Variants in MARCHF2 observed in about 807,000 individuals in gnomAD.
The protein encoded by MARCHF2 is E3 ubiquitin-protein ligase MARCHF2.
In MARCHF2, 22 loss-of-function variants were observed where a neutral mutation model predicts 24.0. The ratio of observed to expected loss-of-function variants is 0.92; its 90% CI spans 0.66 to 1.31. The LOEUF (loss-of-function observed/expected upper bound fraction) is 1.31, where lower values mean the gene tolerates loss of function less well. Among genes scored for constraint, MARCHF2 ranks in the 50% most tolerant of loss-of-function variants. The probability of loss-of-function intolerance (pLI) is 0.00; values close to 1 mark genes in which losing one functional copy is unlikely to be tolerated. For synonymous variants in MARCHF2, 154 were observed against 153.0 expected (o/e 1.01, Z -0.05); for missense variants, 301 against 335.3 (o/e 0.90, Z 0.80).
At chr19:8,438,287 G>C in intron 4 of MARCHF2, 101 bp from the exon 5 acceptor site, 1 of 1,209,496 alleles carries the variant, frequency 8.3e-7, no homozygotes, top group Non-Finnish European at 1.2e-6. Flanking sequence ...CTGGAAGCAT[G>C]AGCCCCAGCC....
intron 4 of MARCHF2, among the ~76,000 whole-genome samples, chr19:8,432,265 C>T (rs560749163): frequency 2.9e-4 from 44 of 152,280 alleles, no homozygotes; most frequent in Middle Eastern, 3.4e-3. Flanking sequence ...GTTGTAACAT[C>T]TGCAGTCCTA....
intron 4 of MARCHF2, among the ~76,000 whole-genome samples, chr19:8,431,762 C>T (rs1160447240): frequency 2.0e-5 from 3 of 152,016 alleles, no homozygotes; most frequent in East Asian, 3.9e-4. Flanking sequence ...CACGTGAACC[C>T]GGGAGGCAGA....
At chr19:8,420,272 C>T (rs1251227517) in intron 1 of MARCHF2, among the ~76,000 whole-genome samples, 3 of 151,214 alleles carry the variant, frequency 2.0e-5, no homozygotes, top group Admixed American at 1.3e-4. Context: ...CGCTTGAACC[C>T]GTAAGGTGGA....
intron 1 of MARCHF2, 53 bp downstream of exon 1, chr19:8,413,473 C>T (rs1381626864): frequency 6.6e-6 from 1 of 152,054 alleles, no homozygotes; most frequent in East Asian, 1.9e-4. Context: ...CGGGCCGGCC[C>T]CGGGTTCGAG....
chr19:8,421,825 G>A lies in MARCHF2; in HGVS notation c.-16G>A, dbSNP rs757274331. The stretch of plus-strand genomic sequence containing the variant: ...CATGGGCCTCAGGCCCTGAGGATAC[G>A]GGGCTCCCGGTGGCCATGACGACGG... On this transcript the variant is annotated 5_prime_UTR_variant, in exon 2 of 5. Transcript: ENST00000215555. 162 of 1,596,246 alleles carry A rather than the reference G, an allele frequency of 1.0e-4. No homozygotes were observed. Among genetic ancestry groups the A allele is most frequent in the South Asian group, 1.2e-4 (11 of 88,474 alleles).
chr19:8,426,156 G>C (rs902824989), intron 2 of MARCHF2, among the ~76,000 whole-genome samples: 1 of 150,892 alleles, frequency 6.6e-6, no homozygotes, highest in African/African-American at 2.4e-5. Flanking sequence ...GCGTGAACCC[G>C]GGAGGCGGAG....
intron 4 of MARCHF2, among the ~76,000 whole-genome samples, chr19:8,438,138 C>G (rs571864534): frequency 6.6e-6 from 1 of 152,096 alleles, no homozygotes; most frequent in Non-Finnish European, 1.5e-5. Flanking sequence ...GAAAGGAGCT[C>G]CCGTTTGCTT....
intron 1 of MARCHF2, among the ~76,000 whole-genome samples, 177 bp from the exon 2 acceptor site, chr19:8,421,612 A>G (rs1967245406): frequency 6.6e-6 from 1 of 152,098 alleles, no homozygotes; most frequent in African/African-American, 2.4e-5. Flanking sequence ...AGTTACATGC[A>G]TCGTCTCCTT....
intron 3 of MARCHF2, 115 bp downstream of exon 3, chr19:8,426,919 C>T (rs1476654688): frequency 1.6e-5 from 14 of 888,740 alleles, no homozygotes; most frequent in Admixed American, 5.2e-5. Context: ...AACTCCCTAC[C>T]GCCCCTGTCC....
chr19:8,424,456 A>G (rs571025057), intron 2 of MARCHF2, among the ~76,000 whole-genome samples: 68 of 152,224 alleles, frequency 4.5e-4, no homozygotes, highest in South Asian at 3.1e-3. Context: ...TCACGAGGTC[A>G]GGAGATCGAG....
At chr19:8,434,317 T>TGGC in intron 4 of MARCHF2, among the ~76,000 whole-genome samples, 1 of 152,160 alleles carries the variant, frequency 6.6e-6, no homozygotes, top group South Asian at 2.1e-4. Context: ...ACTCTTGACC[T>TGGC]CAGGTATCCA....
At chr19:8,428,165 C>G (rs545811768) in intron 3 of MARCHF2, among the ~76,000 whole-genome samples, 10 of 152,242 alleles carry the variant, frequency 6.6e-5, no homozygotes, top group African/African-American at 2.4e-4. Context: ...GAGGCTGAGG[C>G]AGGAGAATGG....
intron 2 of MARCHF2, among the ~76,000 whole-genome samples, chr19:8,423,985 C>CAAAAAA (rs142383974): frequency 1.2e-4 from 13 of 104,900 alleles, no homozygotes; most frequent in Non-Finnish European, 2.4e-4. Flanking sequence ...CTGGGTGACT[C>CAAAAAA]AAAAAAAAAA....
intron 1 of MARCHF2, chr19:8,413,707 A>C (rs1403739155): frequency 2.0e-5 from 3 of 152,378 alleles, no homozygotes; most frequent in African/African-American, 7.2e-5. Flanking sequence ...TGGCTGGTGC[A>C]GAAAACGCCT....
chr19:8,414,457 C>T (rs565330074), intron 1 of MARCHF2, among the ~76,000 whole-genome samples: 4 of 152,210 alleles, frequency 2.6e-5, no homozygotes, highest in South Asian at 4.1e-4. Flanking sequence ...TTAGCAGAAA[C>T]GGGGTTTCAC....
In MARCHF2 at chr19:8,430,805, G is replaced by A. The variant is rs1367528844; in HGVS notation, c.520G>A (p.Glu174Lys). Reference protein sequence around the residue: ...QDHLRLHSQLEAVGLIALTIA... With the variant: ...QDHLRLHSQLKAVGLIALTIA... ...CCACCTCCGGCTCCACAGCCAGCTG[G>A]AGGCCGTGGGTCTCATTGCCCTCAC... The change falls in exon 4 of 5, where the codon GAG (glutamate) becomes AAG (lysine). Residue 174 changes from glutamate (E) to lysine (K), a missense_variant. Coordinates refer to ENST00000215555, the MANE Select transcript of MARCHF2 (RefSeq NM_001005415.2). The surrounding 1 kb of genome is among the most constrained non-coding windows in gnomAD (Gnocchi z 4.4). 8.1e-6 allele frequency: 13 copies of A among 1,610,830 alleles called. No homozygotes were observed. Among genetic ancestry groups the A allele is most frequent in the African/African-American group, 1.3e-5 (1 of 74,938 alleles).
chr19:8,415,721 C>CAAAAAAAA lies in MARCHF2; in HGVS notation c.-53+2307_-53+2314dup, dbSNP rs1309501077. Among the ~76,000 whole-genome samples the CAAAAAAAA allele has an allele frequency of 3.2e-3, 57 of 17,806 alleles. 2 individuals are homozygous for CAAAAAAAA. The highest frequency in any genetic ancestry group is 4.1e-3 in the African/African-American group (21 of 5,134). 11.7% of individuals were successfully genotyped at this position (17,806 alleles called of 152,430 possible). ...GGGCAACAAGAGTGAAACTCCATCT[C>CAAAAAAAA]AAAAAAAAAAAAACAAAAAAAACAA... On this transcript the variant is annotated intron_variant, in intron 1 of 4. Coordinates refer to ENST00000215555, the MANE Select transcript of MARCHF2 (RefSeq NM_001005415.2).
intron 1 of MARCHF2, chr19:8,418,384 C>G (rs1967140342): frequency 6.6e-6 from 1 of 152,326 alleles, no homozygotes; most frequent in Non-Finnish European, 1.5e-5. Context: ...AGGAAGGCTG[C>G]TGGCTGAGCT....
At position 8,422,983 on chromosome 19, in the gene MARCHF2, G is replaced by T. The variant is rs146781138; in HGVS notation, c.176+967G>T. Among the ~76,000 whole-genome samples, 4 of 78,722 alleles carry T rather than the reference G, an allele frequency of 5.1e-5. No individual in the cohort carries two copies. The Admixed American group carries it at 5.3e-4, about 10-fold the overall frequency. 51.6% of individuals were successfully genotyped at this position (78,722 alleles called of 152,430 possible). On this transcript the variant is annotated intron_variant, in intron 2 of 4. Coordinates refer to ENST00000215555, the MANE Select transcript of MARCHF2 (RefSeq NM_001005415.2). ...CTCCCAAAGTGCTGGGATTACAGGCGTGAGCCACCGCGCCTGGCCGTGCTC... is the reference window on the plus strand; with the variant it reads ...CTCCCAAAGTGCTGGGATTACAGGCTTGAGCCACCGCGCCTGGCCGTGCTC...
Sources: allele counts gnomAD v4.1 joint callset (sites outside exome capture counted in the v4.1 genomes callset), GRCh38; gene constraint gnomAD v4.1.1; non-coding constraint Gnocchi (gnomAD v3.1); transcripts MANE v1.5; gene names NCBI Gene and HGNC (gene_info 2026-07-23, HGNC 2026-07-21).